ZC3H12B: variants seen among roughly 807,000 people sequenced by gnomAD.
The protein encoded by ZC3H12B is probable ribonuclease ZC3H12B.
In ZC3H12B, 7 loss-of-function variants were observed where a neutral mutation model predicts 43.9. That is an observed-to-expected ratio of 0.16 (90% CI 0.09 to 0.30). The LOEUF (loss-of-function observed/expected upper bound fraction) is 0.30, where lower values mean the gene tolerates loss of function less well. ZC3H12B is among the 10% of genes least tolerant of loss of function. The pLI, the probability that ZC3H12B is intolerant of heterozygous loss-of-function variation, is 1.00. For missense variants in ZC3H12B, 475 were observed against 670.2 expected, an observed-to-expected ratio of 0.71 and a Z score of 3.22; for synonymous variants, 222 against 241.7, an observed-to-expected ratio of 0.92 and a Z score of 0.76.
At chrX:65,239,647 G>T in the ZC3H12B span, among the ~76,000 whole-genome samples, 168 of 111,952 alleles carry the variant, frequency 1.5e-3, no homozygotes, top group African/African-American at 5.3e-3. Context: ...TTGCACACTT[G>T]TTTATGTGGT....
At chrX:65,096,115 A>T in the ZC3H12B span, among the ~76,000 whole-genome samples, 1 of 109,660 alleles carries the variant, frequency 9.1e-6, no homozygotes, top group Non-Finnish European at 1.9e-5. Context: ...TGTGATTGTG[A>T]ATAGTGTTGC....
chrX:65,374,743 G>A (rs1244036787), intron 2 of ZC3H12B, among the ~76,000 whole-genome samples: 2 of 111,191 alleles, frequency 1.8e-5, no homozygotes, highest in African/African-American at 6.5e-5. Context: ...GGCTCGGGAG[G>A]TCACAGGAAA....
At chrX:65,123,533 G>A in the ZC3H12B span, among the ~76,000 whole-genome samples, 1 of 110,299 alleles carries the variant, frequency 9.1e-6, no homozygotes, top group East Asian at 2.9e-4. Context: ...GTGGTATTTT[G>A]ATTCGAATTG....
chrX:65,141,000 A>C, the ZC3H12B span, among the ~76,000 whole-genome samples: 12 of 111,663 alleles, frequency 1.1e-4, no homozygotes, highest in East Asian at 2.8e-3. Flanking sequence ...TTATGTTTTC[A>C]AAAACCCAAG....
chrX:65,327,998 T>C, the ZC3H12B span: 1 of 245,377 alleles, frequency 4.1e-6, no homozygotes, highest in Non-Finnish European at 8.2e-6. Flanking sequence ...TCACACAGCT[T>C]TACAGTGGTA....
chrX:65,265,972 G>GT, the ZC3H12B span, among the ~76,000 whole-genome samples: 1 of 111,633 alleles, frequency 9.0e-6, no homozygotes, highest in South Asian at 3.7e-4. Context: ...ATAGTGGGTG[G>GT]TAACACAACT....
chrX:65,222,200 T>C, the ZC3H12B span, among the ~76,000 whole-genome samples: 1 of 111,531 alleles, frequency 9.0e-6, no homozygotes, highest in Non-Finnish European at 1.9e-5. Flanking sequence ...GGGCATACCT[T>C]ATTGTAATAA....
chrX:65,474,132 T>C (rs912537811), intron 3 of ZC3H12B, among the ~76,000 whole-genome samples: 2 of 112,397 alleles, frequency 1.8e-5, no homozygotes, highest in African/African-American at 6.5e-5. Context: ...ATTTGCTTTA[T>C]ATATTTAGGT....
the ZC3H12B span, among the ~76,000 whole-genome samples, chrX:65,044,582 CA>C: frequency 2.7e-5 from 3 of 110,957 alleles, no homozygotes; most frequent in Non-Finnish European, 5.7e-5. Flanking sequence ...ATGGAAAGAG[CA>C]AGAGAATAAG....
chrX:65,178,051 G>T, the ZC3H12B span, among the ~76,000 whole-genome samples: 1 of 111,876 alleles, frequency 8.9e-6, no homozygotes, highest in African/African-American at 3.2e-5. Flanking sequence ...CATGGTACTG[G>T]TACAAAAGCA....
In ZC3H12B at chrX:65,451,611, A is replaced by G. The variant is rs752491314; in HGVS notation, n.408-37035A>G. 2.2e-3 allele frequency among the ~76,000 whole-genome samples: 244 copies of G among 111,644 alleles called. 1 individual carries two copies. The highest frequency in any genetic ancestry group is 7.6e-3 in the African/African-American group (234 of 30,752). On this transcript the variant is annotated intron_variant and non_coding_transcript_variant, in intron 3 of 5. Transcript: ENST00000617377. The stretch of plus-strand genomic sequence containing the variant: ...TGCCTCAGCCTTCCAAAGTGTTTGT[A>G]TTACAGGCATCAGCCACTGTGCTCA...
the ZC3H12B span, among the ~76,000 whole-genome samples, chrX:65,191,527 G>A: frequency 9.9e-6 from 1 of 101,201 alleles, no homozygotes; most frequent in African/African-American, 4.5e-5. Context: ...TTTAGTCTTG[G>A]GAGAGTGTAT....
exon 5 of ZC3H12B, chrX:65,507,389 T>C (rs1438250875): frequency 2.7e-5 from 3 of 112,405 alleles, no homozygotes; most frequent in Non-Finnish European, 5.6e-5. Context: ...TTAGTTCTCA[T>C]TGGAAACAAA....
chrX:65,317,107 TA>T, the ZC3H12B span, among the ~76,000 whole-genome samples: 1 of 111,132 alleles, frequency 9.0e-6, no homozygotes, highest in Non-Finnish European at 1.9e-5. Flanking sequence ...CTATCCTAAA[TA>T]TATGTACCCA....
At chrX:65,152,241 G>T in the ZC3H12B span, among the ~76,000 whole-genome samples, 1 of 111,531 alleles carries the variant, frequency 9.0e-6, no homozygotes, top group East Asian at 2.8e-4. Context: ...GGGCAATTAG[G>T]CAGGAGAAGG....
chrX:65,161,739 A>T, the ZC3H12B span, among the ~76,000 whole-genome samples: 1 of 111,939 alleles, frequency 8.9e-6, no homozygotes, highest in Non-Finnish European at 1.9e-5. Flanking sequence ...GTGTCTTTTA[A>T]TTGGAGCATT....
At chrX:65,099,593 G>A in the ZC3H12B span, among the ~76,000 whole-genome samples, 6 of 111,181 alleles carry the variant, frequency 5.4e-5, no homozygotes, top group Non-Finnish European at 9.4e-5. Context: ...ATAGGGTCTG[G>A]TGTTGCCCTC....
At chrX:65,211,264 C>T in the ZC3H12B span, among the ~76,000 whole-genome samples, 1 of 108,838 alleles carries the variant, frequency 9.2e-6, no homozygotes, top group South Asian at 3.9e-4. Context: ...GTTGCCTGTT[C>T]ACTCAGATGA....
At chrX:65,292,037 G>A in the ZC3H12B span, among the ~76,000 whole-genome samples, 3 of 111,816 alleles carry the variant, frequency 2.7e-5, no homozygotes, top group Admixed American at 2.8e-4. Flanking sequence ...AACTTATTAT[G>A]AGAAATACAA....
Sources: gnomAD v4.1 joint callset for allele counts (sites outside exome capture counted in the v4.1 genomes callset) on GRCh38, gnomAD v4.1.1 for gene constraint, MANE v1.5 for transcripts, NCBI Gene and HGNC (gene_info 2026-07-23, HGNC 2026-07-21) for gene names.